Variants in TRDN observed in about 807,000 individuals in gnomAD.
TRDN encodes triadin in skeletal muscle.
A neutral mutation model predicts 149.7 loss-of-function variants in TRDN; 161 were observed. That is an observed-to-expected ratio of 1.08 (90% CI 0.95 to 1.23). The LOEUF (loss-of-function observed/expected upper bound fraction) is 1.23, where lower values mean the gene tolerates loss of function less well. TRDN is among the 50% of genes most tolerant of loss of function. The probability of loss-of-function intolerance (pLI) is 0.00; values close to 1 mark genes in which losing one functional copy is unlikely to be tolerated. For missense variants in TRDN, 896 were observed against 823.5 expected (o/e 1.09, Z -1.08); for synonymous variants, 294 against 250.5 (o/e 1.17, Z -1.64).
intron 38 of TRDN, among the ~76,000 whole-genome samples, chr6:123,225,029 A>G (rs148568760): frequency 9.2e-5 from 14 of 151,972 alleles, no homozygotes; most frequent in Non-Finnish European, 2.9e-5. Flanking sequence ...CCTAAAATAT[A>G]TAAGACATTG....
intron 9 of TRDN, chr6:123,471,035 C>T (rs1437347063): frequency 6.6e-6 from 1 of 152,100 alleles, no homozygotes; most frequent in African/African-American, 2.4e-5. Context: ...GAATTGAGTA[C>T]CCTATAAAAG....
intron 10 of TRDN, among the ~76,000 whole-genome samples, chr6:123,448,470 G>A (rs1211620834): frequency 2.0e-5 from 3 of 151,970 alleles, no homozygotes; most frequent in African/African-American, 4.8e-5. Context: ...GGCTTTCCCC[G>A]ACTTCCCTGT....
chr6:123,252,256 G>A (rs1256325464), intron 38 of TRDN, among the ~76,000 whole-genome samples, 156 bp downstream of exon 38: 1 of 151,194 alleles, frequency 6.6e-6, no homozygotes, highest in African/African-American at 2.4e-5. Flanking sequence ...AAGTTTCAAC[G>A]TAAGTAACAA....
chr6:123,595,493 G>A (rs1341551448), intron 1 of TRDN, among the ~76,000 whole-genome samples: 4 of 152,038 alleles, frequency 2.6e-5, no homozygotes, highest in African/African-American at 9.7e-5. Context: ...GAAATTAAAA[G>A]CATACAAGTA....
chr6:123,274,993 C>A (rs998316579), intron 26 of TRDN, among the ~76,000 whole-genome samples: 1 of 152,084 alleles, frequency 6.6e-6, no homozygotes, highest in Admixed American at 6.6e-5. Flanking sequence ...TCTAAATTTT[C>A]TACTTTTTTC....
rs768721605 is a variant in TRDN at position 123,279,094 on chromosome 6, T to TA, written c.1511-13dup. 11 of 1,602,198 alleles carry TA rather than the reference T, an allele frequency of 6.9e-6. No individual in the cohort carries two copies. The highest frequency in any genetic ancestry group is 4.5e-5 in the East Asian group (2 of 44,468). ...CTTGACTTCTTTGCCTAGAAAAAAGTAAAAAAATTATTAAAGGCTGAGTCA... is the reference window on the plus strand; with the variant it reads ...CTTGACTTCTTTGCCTAGAAAAAAGTAAAAAAAATTATTAAAGGCTGAGTCA... On this transcript the variant is annotated splice_polypyrimidine_tract_variant and intron_variant, in intron 24 of 40. Coordinates refer to ENST00000334268, the MANE Select transcript of TRDN (RefSeq NM_006073.4).
intron 39 of TRDN, among the ~76,000 whole-genome samples, chr6:123,223,163 T>A (rs1003476398): frequency 6.6e-6 from 1 of 151,702 alleles, no homozygotes; most frequent in Admixed American, 6.6e-5. Context: ...TGGAGGTCAT[T>A]ATCCTTGGCA....
chr6:123,216,555 C>T lies in TRDN; in HGVS notation c.*2046G>A, dbSNP rs1774977837. On this transcript the variant is annotated 3_prime_UTR_variant, in exon 41 of 41. Coordinates refer to ENST00000334268, the MANE Select transcript of TRDN (RefSeq NM_006073.4). ...GTTTTTATATTGAGAGTGAAAGAAA[C>T]AGTAAAATAGTCAGAGGAAAAACTA... 6.6e-6 allele frequency: 1 copy of T among 151,618 alleles called. No homozygotes were observed. 9.4% of individuals were successfully genotyped at this position (151,618 alleles called of 1,614,324 possible).
intron 12 of TRDN, among the ~76,000 whole-genome samples, chr6:123,422,705 T>C (rs748965831): frequency 1.2e-4 from 19 of 152,162 alleles, no homozygotes; most frequent in Non-Finnish European, 2.6e-4. Flanking sequence ...CAAGTAGTAA[T>C]TTAGGTCAAA....
intron 23 of TRDN, among the ~76,000 whole-genome samples, chr6:123,327,488 T>G (rs918620873): frequency 6.6e-6 from 1 of 152,148 alleles, no homozygotes; most frequent in Non-Finnish European, 1.5e-5. Context: ...GCTTCACTTA[T>G]TCAAGCCTTT....
chr6:123,535,859 A>C (rs1029867750), intron 4 of TRDN, among the ~76,000 whole-genome samples: 8 of 152,172 alleles, frequency 5.3e-5, no homozygotes, highest in Admixed American at 5.2e-4. Flanking sequence ...TAATATAATT[A>C]AAATATCATG....
intron 37 of TRDN, 70 bp downstream of exon 37, chr6:123,255,011 A>T: frequency 1.1e-6 from 1 of 897,182 alleles, no homozygotes; most frequent in East Asian, 2.7e-5. Context: ...ATAATTTAAT[A>T]TTAATATTAA....
chr6:123,408,821 A>T (rs377096252), intron 12 of TRDN, among the ~76,000 whole-genome samples: 3 of 152,218 alleles, frequency 2.0e-5, no homozygotes, highest in Admixed American at 1.3e-4. Flanking sequence ...TCTGACAAGA[A>T]AAATCATTTT....
intron 9 of TRDN, among the ~76,000 whole-genome samples, chr6:123,472,615 C>T (rs906535044): frequency 6.6e-6 from 1 of 152,230 alleles, no homozygotes; most frequent in African/African-American, 2.4e-5. Context: ...CTGTAGGCTC[C>T]ACCTCTGGGG....
chr6:123,240,560 A>T (rs963494806), intron 38 of TRDN, among the ~76,000 whole-genome samples: 21 of 151,868 alleles, frequency 1.4e-4, no homozygotes, highest in African/African-American at 4.6e-4. Flanking sequence ...GAGACTTAAT[A>T]GTCATTTTAG....
chr6:123,252,453 AT>A lies in TRDN; in HGVS notation c.1952-19del. The A allele has an allele frequency of 6.9e-7, 1 of 1,457,866 alleles. No homozygotes were observed. The highest frequency in any genetic ancestry group is 9.4e-7 in the Non-Finnish European group (1 of 1,062,956). The allele number at this position is 1,457,866 out of a possible 1,614,324, so 90.3% of individuals were successfully genotyped here. A position where few individuals can be genotyped will look rare whatever the true frequency, so the allele number is the denominator to read the frequency against. ...TTTTTCTGCTAAAAAGAGAAAATAA[AT>A]AAGTTTTGTTTAACTGAGATAAAAT... is the stretch of plus-strand genomic sequence containing the variant. On this transcript the variant is annotated intron_variant, in intron 37 of 40. Transcript: ENST00000334268.
chr6:123,571,017 G>A lies in TRDN; in HGVS notation c.138C>T (p.Ser46=), dbSNP rs781618424. 5.0e-6 allele frequency: 8 copies of A among 1,613,966 alleles called. No individual in the cohort carries two copies. In the South Asian group the frequency reaches 6.6e-5, roughly 13 times the overall value. Reference sequence around the variant, plus strand: ...CAATGACCAGAAGCCAGGCTGCAGGGGAGCTGAACGTCGTCACTATGTCTT... The same window carrying A: ...CAATGACCAGAAGCCAGGCTGCAGGAGAGCTGAACGTCGTCACTATGTCTT... ...VTEDIVTTFS[S]PAAWLLVIAL... The change falls in exon 2 of 41, where the codon TCC becomes TCT. Residue 46 remains serine (S), a synonymous_variant. Transcript: ENST00000334268.
rs73770114 is a variant in TRDN, at chr6:123,458,189, T to C, written c.931+6717A>G. On this transcript the variant is annotated intron_variant, in intron 10 of 40. Coordinates refer to ENST00000334268, the MANE Select transcript of TRDN (RefSeq NM_006073.4). ...CTCTCTGGAGCACTGGGGCCTGTTA[T>C]ACCCTTTTCTCTTTCATATTCTCTC... Among the ~76,000 whole-genome samples the C allele has an allele frequency of 1.9e-3, 294 of 152,360 alleles. 2 individuals carry two copies. Among genetic ancestry groups the C allele is most frequent in the African/African-American group, 6.8e-3 (284 of 41,596 alleles).
At chr6:123,344,233 G>C (rs1049100609) in intron 21 of TRDN, among the ~76,000 whole-genome samples, 5 of 152,026 alleles carry the variant, frequency 3.3e-5, no homozygotes, top group Admixed American at 6.6e-5. Context: ...TCCCTCAAGA[G>C]TGTGGTACAT....
Sources: allele counts gnomAD v4.1 joint callset (sites outside exome capture counted in the v4.1 genomes callset), GRCh38; gene constraint gnomAD v4.1.1; transcripts MANE v1.5; gene names NCBI Gene and HGNC (gene_info 2026-07-23, HGNC 2026-07-21).